TRMT11: variants seen among roughly 807,000 people sequenced by gnomAD.
TRMT11 encodes tRNA (guanine(10)-N(2))-methyltransferase TRMT11.
A neutral mutation model predicts 62.8 loss-of-function variants in TRMT11; 53 were observed. The ratio of observed to expected loss-of-function variants is 0.84; its 90% CI spans 0.68 to 1.06. The LOEUF (loss-of-function observed/expected upper bound fraction) is 1.06, where lower values mean the gene tolerates loss of function less well. Among genes scored for constraint, TRMT11 ranks in the 50% least tolerant of loss-of-function variants. The pLI is 0.00. For synonymous variants in TRMT11, 188 were observed against 190.3 expected (o/e 0.99, Z 0.10); for missense variants, 556 against 553.4 (o/e 1.00, Z -0.05).
At position 125,999,626 on chromosome 6, in the gene TRMT11, AACTTTT is replaced by A. The variant is rs1215038367; in HGVS notation, c.679+15_679+20del. 3.1e-6 allele frequency: 5 copies of A among 1,601,938 alleles called. No homozygotes were observed. The South Asian group carries it at 5.6e-5, about 18-fold the overall frequency. ...TTTGTTGGAACAGGTATTTTTATTT[AACTTTT>A]AAGCTAGTGTAGAGATGTTGCTTAT... On this transcript the variant is annotated intron_variant, in intron 7 of 12. Coordinates refer to ENST00000334379, the MANE Select transcript of TRMT11 (RefSeq NM_001031712.3).
chr6:126,152,815 C>A (rs1778074292), intron 21 of TRMT11, among the ~76,000 whole-genome samples: 1 of 152,158 alleles, frequency 6.6e-6, no homozygotes, highest in Non-Finnish European at 1.5e-5. Flanking sequence ...AGTCTTGATT[C>A]ACTGTGCTTG....
intron 17 of TRMT11, among the ~76,000 whole-genome samples, chr6:126,084,346 T>C (rs1562319574): frequency 1.3e-5 from 2 of 152,160 alleles, no homozygotes; most frequent in Non-Finnish European, 2.9e-5. Flanking sequence ...TGAGTAATGA[T>C]GTTGAGCACC....
At chr6:126,244,243 C>G in the TRMT11 span, among the ~76,000 whole-genome samples, 2 of 151,278 alleles carry the variant, frequency 1.3e-5, no homozygotes, top group African/African-American at 4.9e-5. Context: ...AAACTCAAAT[C>G]ATTAGTATTT....
At chr6:126,097,584 A>C (rs1314887879) in intron 17 of TRMT11, among the ~76,000 whole-genome samples, 2 of 152,010 alleles carry the variant, frequency 1.3e-5, no homozygotes, top group East Asian at 3.9e-4. Flanking sequence ...ATTTTCCTTT[A>C]TTTTTAAAAG....
intron 1 of TRMT11, among the ~76,000 whole-genome samples, chr6:126,196,168 G>A (rs934543365): frequency 6.6e-6 from 1 of 152,112 alleles, no homozygotes; most frequent in African/African-American, 2.4e-5. Context: ...CTATCCAGGT[G>A]GTAAATAGGT....
At chr6:126,251,970 T>C in the TRMT11 span, among the ~76,000 whole-genome samples, 1 of 152,200 alleles carries the variant, frequency 6.6e-6, no homozygotes, top group Non-Finnish European at 1.5e-5. Context: ...CTGGCCACAT[T>C]AGGCTTTCGA....
chr6:126,217,993 T>C, the TRMT11 span, among the ~76,000 whole-genome samples: 1 of 152,054 alleles, frequency 6.6e-6, no homozygotes, highest in Admixed American at 6.6e-5. Context: ...TTCCCTCCCC[T>C]TTTCACAAGC....
chr6:126,001,042 C>A (rs918362747), intron 7 of TRMT11, among the ~76,000 whole-genome samples: 1 of 152,092 alleles, frequency 6.6e-6, no homozygotes, highest in Non-Finnish European at 1.5e-5. Flanking sequence ...TTCTTTCCTG[C>A]ATCATTTGAA....
intron 17 of TRMT11, among the ~76,000 whole-genome samples, chr6:126,093,884 G>T (rs1010938190): frequency 1.3e-5 from 2 of 151,782 alleles, no homozygotes; most frequent in African/African-American, 4.8e-5. Flanking sequence ...TACTAGCAAT[G>T]AATAATTGCA....
chr6:126,172,125 T>TA (rs1000212759), intron 21 of TRMT11, among the ~76,000 whole-genome samples: 8 of 151,394 alleles, frequency 5.3e-5, no homozygotes, highest in East Asian at 1.9e-4. Flanking sequence ...GATCAAAATT[T>TA]AAAAAAAAAG....
chr6:126,084,176 C>A (rs1305046561), intron 17 of TRMT11, among the ~76,000 whole-genome samples: 1 of 152,110 alleles, frequency 6.6e-6, no homozygotes, highest in African/African-American at 2.4e-5. Flanking sequence ...ATACTGTTTT[C>A]CATAATGACT....
chr6:126,037,050 TTGG>T (rs1446069294), intron 12 of TRMT11, among the ~76,000 whole-genome samples: 1 of 152,072 alleles, frequency 6.6e-6, no homozygotes, highest in Admixed American at 6.6e-5. Flanking sequence ...TACTTCTTTC[TTGG>T]TGGGCTCCTC....
At chr6:126,031,616 A>G (rs1160784274) in intron 12 of TRMT11, among the ~76,000 whole-genome samples, 8 of 152,164 alleles carry the variant, frequency 5.3e-5, no homozygotes, top group Admixed American at 1.3e-4. Flanking sequence ...GCATTGTGGT[A>G]TATGTGGGGA....
chr6:126,043,534 A>G (rs1392637037), downstream of TRMT11, among the ~76,000 whole-genome samples: 18 of 150,076 alleles, frequency 1.2e-4, no homozygotes, highest in African/African-American at 4.4e-4. Flanking sequence ...GTGTCTTTAT[A>G]GCAGCATGAT....
chr6:126,018,777 T>C (rs766388554), intron 11 of TRMT11, among the ~76,000 whole-genome samples: 1 of 152,250 alleles, frequency 6.6e-6, no homozygotes, highest in Non-Finnish European at 1.5e-5. Flanking sequence ...ACTGTCATAA[T>C]GGTCCAGGCA....
intron 17 of TRMT11, among the ~76,000 whole-genome samples, chr6:126,055,134 T>C (rs1478352256): frequency 6.6e-6 from 1 of 152,100 alleles, no homozygotes; most frequent in Non-Finnish European, 1.5e-5. Flanking sequence ...TCATCTAAGT[T>C]TTATATGTTT....
the TRMT11 span, among the ~76,000 whole-genome samples, chr6:126,211,462 C>T: frequency 6.6e-6 from 1 of 152,144 alleles, no homozygotes; most frequent in African/African-American, 2.4e-5. Flanking sequence ...TTATCTATTA[C>T]ATGGACTCTG....
intron 21 of TRMT11, among the ~76,000 whole-genome samples, chr6:126,126,231 T>C (rs1019127527): frequency 6.6e-6 from 1 of 152,150 alleles, no homozygotes; most frequent in Non-Finnish European, 1.5e-5. Context: ...TTCAAAGACA[T>C]GAGACATTAT....
intron 21 of TRMT11, among the ~76,000 whole-genome samples, chr6:126,155,817 T>C (rs1778112968): frequency 6.6e-6 from 1 of 152,130 alleles, no homozygotes; most frequent in African/African-American, 2.4e-5. Flanking sequence ...GCCTCCCAGG[T>C]TCACGCCATT....
Sources: allele counts gnomAD v4.1 joint callset (sites outside exome capture counted in the v4.1 genomes callset), GRCh38; gene constraint gnomAD v4.1.1; transcripts MANE v1.5; gene names NCBI Gene and HGNC (gene_info 2026-07-23, HGNC 2026-07-21).